ATP11A: variants seen among roughly 807,000 people sequenced by gnomAD.
ATP11A encodes the protein ATPase phospholipid transporting 11A, also known as phospholipid-transporting ATPase IH.
In ATP11A, 81 loss-of-function variants were observed where a neutral mutation model predicts 154.4. That is an observed-to-expected ratio of 0.52 (90% CI 0.44 to 0.63). The LOEUF (loss-of-function observed/expected upper bound fraction) is 0.63. ATP11A is among the 30% of genes least tolerant of loss of function. The pLI, the probability that ATP11A is intolerant of heterozygous loss-of-function variation, is 0.00. For synonymous variants in ATP11A, 623 were observed against 585.9 expected (o/e 1.06, Z -0.91); for missense variants, 1,316 against 1,474.3 (o/e 0.89, Z 1.76).
chr13:112,860,355 C>T lies in ATP11A; in HGVS notation c.2796C>T (p.Tyr932=). 1.2e-6 allele frequency: 2 copies of T among 1,614,194 alleles called. No individual in the cohort carries two copies. The highest frequency in any genetic ancestry group is 8.5e-7 in the Non-Finnish European group (1 of 1,180,040). Residue 932 remains tyrosine, a synonymous_variant, in exon 24 of 30, where the codon TAC becomes TAT. Transcript: ENST00000375645. ...ISFTSLPILL[Y]SLMEQHVGID... ...TCACCTCCCTCCCCATCCTCCTGTA[C>T]AGCCTCATGGAGCAGCATGTTGGCA...
At chr13:112,734,528 G>C (rs1306828010) in intron 1 of ATP11A, among the ~76,000 whole-genome samples, 1 of 152,090 alleles carries the variant, frequency 6.6e-6, no homozygotes, top group African/African-American at 2.4e-5. Flanking sequence ...GCCATCAACC[G>C]CCGAGGAACT....
intron 28 of ATP11A, 140 bp downstream of exon 28, chr13:112,876,081 G>T: frequency 1.1e-6 from 1 of 894,192 alleles, no homozygotes; most frequent in Admixed American, 3.1e-5. Context: ...TGAGTGTCCT[G>T]ACGGTGCATG....
chr13:112,787,327 G>C (rs1324358535), intron 2 of ATP11A, among the ~76,000 whole-genome samples: 6 of 126,080 alleles, frequency 4.8e-5, no homozygotes, highest in African/African-American at 2.5e-4. Context: ...GACCCCTGTG[G>C]AGACCTACTT....
chr13:112,834,635 T>A lies in ATP11A; in HGVS notation c.1606T>A (p.Leu536Ile). The change falls in exon 15 of 30, where the codon TTA becomes ATA. Residue 536 changes from leucine (L) to isoleucine (I), a missense_variant. By Grantham distance (5) the Leu-to-Ile change is conservative. Around this residue, in one of 5 missense-constraint regions of ATP11A, gnomAD observed 876 missense variants for 1,006.8 expected, o/e 0.87. Coordinates refer to ENST00000375645, the MANE Select transcript of ATP11A (RefSeq NM_015205.3). The part of the protein sequence containing the change: ...LRLKDNYMEI[L>I]NRENHIERFE... ...GCTGAAGGACAATTACATGGAGATA[T>A]TAAACAGGGAGAACCACATCGAAAG... 2 of 1,614,006 alleles carry A rather than the reference T, an allele frequency of 1.2e-6. No homozygotes were observed. Among genetic ancestry groups the A allele is most frequent in the Non-Finnish European group, 1.7e-6 (2 of 1,179,840 alleles).
chr13:112,702,461 A>G (rs1193428854), intron 1 of ATP11A, among the ~76,000 whole-genome samples: 2 of 152,006 alleles, frequency 1.3e-5, no homozygotes, highest in Admixed American at 1.3e-4. Context: ...GAAGGCGTGC[A>G]CACGGGGGGT....
intron 12 of ATP11A, among the ~76,000 whole-genome samples, chr13:112,830,232 A>C (rs1350912076): frequency 6.6e-6 from 1 of 152,238 alleles, no homozygotes; most frequent in Non-Finnish European, 1.5e-5. Flanking sequence ...ATGATAAACC[A>C]AACCTCTTAA....
At chr13:112,781,495 G>A (rs145555043) in intron 1 of ATP11A, among the ~76,000 whole-genome samples, 14 of 152,284 alleles carry the variant, frequency 9.2e-5, no homozygotes, top group Admixed American at 2.0e-4. Flanking sequence ...GGAGGACCAC[G>A]AAGGTTGGGC....
chr13:112,802,526 A>AAATAGTGCT lies in ATP11A; in HGVS notation c.163-2429_163-2421dup, dbSNP rs1440968517. On this transcript the variant is annotated intron_variant, in intron 2 of 29. Transcript: ENST00000375645. ...CAGAAAAGCACTATTTCTTTTCAAC[A>AAATAGTGCT]AATAGTGCTAGAAAAACTGGACATG... Among the ~76,000 whole-genome samples the AAATAGTGCT allele has an allele frequency of 1.3e-4, 19 of 149,986 alleles. No homozygotes were observed. In the East Asian group the frequency reaches 3.5e-3, roughly 28 times the overall value.
At chr13:112,717,726 A>G (rs908025123) in intron 1 of ATP11A, 1 of 152,266 alleles carries the variant, frequency 6.6e-6, no homozygotes, top group Non-Finnish European at 1.5e-5. Flanking sequence ...AGAAAACAGT[A>G]CATGTTGTGT....
chr13:112,736,491 A>G (rs1172724147), intron 1 of ATP11A, among the ~76,000 whole-genome samples: 1 of 152,194 alleles, frequency 6.6e-6, no homozygotes, highest in African/African-American at 2.4e-5. Context: ...ACGTTCTACA[A>G]TATAAGGGGG....
At chr13:112,804,709 G>A (rs920661934) in intron 2 of ATP11A, among the ~76,000 whole-genome samples, 7 of 151,962 alleles carry the variant, frequency 4.6e-5, no homozygotes, top group Admixed American at 1.3e-4. Context: ...TCAAACTATT[G>A]TTGAGCTACC....
At chr13:112,698,437 A>G (rs888484074) in intron 1 of ATP11A, among the ~76,000 whole-genome samples, 3 of 152,190 alleles carry the variant, frequency 2.0e-5, no homozygotes, top group African/African-American at 7.2e-5. Flanking sequence ...CTTTTGTCCC[A>G]TGGTGCGTTT....
intron 1 of ATP11A, among the ~76,000 whole-genome samples, chr13:112,775,195 T>G (rs1300204416): frequency 6.6e-6 from 1 of 152,270 alleles, no homozygotes; most frequent in Middle Eastern, 3.2e-3. Context: ...GCCCGTGGGC[T>G]GGCCGCGTAG....
At chr13:112,752,276 A>T (rs1476803748) in intron 1 of ATP11A, among the ~76,000 whole-genome samples, 1 of 152,196 alleles carries the variant, frequency 6.6e-6, no homozygotes, top group Non-Finnish European at 1.5e-5. Flanking sequence ...ATGGGGCAGG[A>T]CAGTGGGGCT....
intron 1 of ATP11A, among the ~76,000 whole-genome samples, chr13:112,730,967 G>C (rs1221532807): frequency 6.6e-6 from 1 of 152,096 alleles, no homozygotes; most frequent in Non-Finnish European, 1.5e-5. Context: ...ACGGAGTCTT[G>C]CTAAGTTACC....
chr13:112,837,951 C>A (rs991619378), intron 16 of ATP11A, among the ~76,000 whole-genome samples: 1 of 151,936 alleles, frequency 6.6e-6, no homozygotes, highest in African/African-American at 2.4e-5. Flanking sequence ...CTGCCGCCTG[C>A]CTTCGCTGGT....
chr13:112,752,384 CAA>C (rs1395707131), intron 1 of ATP11A, among the ~76,000 whole-genome samples: 1 of 152,184 alleles, frequency 6.6e-6, no homozygotes, highest in Non-Finnish European at 1.5e-5. Flanking sequence ...GCGCCATTCC[CAA>C]AGTCTCCTGG....
rs1261084819 is a variant in ATP11A at position 112,883,086 on chromosome 13, C to G, written c.*1220C>G. ...CCCCGTCACCTCGTCCTCATGTCCC[C>G]TTGTCCTGTCACCTCGTCCCCACGT... On this transcript the variant is annotated 3_prime_UTR_variant, in exon 30 of 30. Coordinates refer to ENST00000375645, the MANE Select transcript of ATP11A (RefSeq NM_015205.3). The G allele has an allele frequency of 2.7e-6, 1 of 365,530 alleles. No individual in the cohort carries two copies. Among genetic ancestry groups the G allele is most frequent in the Non-Finnish European group, 4.8e-6 (1 of 208,370 alleles). The allele number at this position is 365,530 out of a possible 1,614,324, so 22.6% of individuals were successfully genotyped here.
intron 14 of ATP11A, among the ~76,000 whole-genome samples, chr13:112,834,370 G>A (rs369861151): frequency 6.6e-6 from 1 of 152,206 alleles, no homozygotes. Flanking sequence ...AGGAGGGTTG[G>A]GTTGGGTAGA....
Sources: allele counts gnomAD v4.1 joint callset (sites outside exome capture counted in the v4.1 genomes callset), GRCh38; gene constraint gnomAD v4.1.1; regional missense constraint gnomAD v4.1.1; transcripts MANE v1.5; gene names NCBI Gene and HGNC (gene_info 2026-07-23, HGNC 2026-07-21).